Variants in PAFAH1B1 observed in about 807,000 individuals in gnomAD.
The protein encoded by PAFAH1B1 is platelet activating factor acetylhydrolase 1b regulatory subunit 1.
Under a neutral mutation model 57.5 loss-of-function variants are expected in PAFAH1B1, and 2 were observed. The ratio of observed to expected loss-of-function variants is 0.03; its 90% CI spans 0.01 to 0.11. The LOEUF is 0.11. Ranked by LOEUF, PAFAH1B1 falls within the 10% of genes least tolerant of loss-of-function variation. The probability of loss-of-function intolerance (pLI) is 1.00; values close to 1 mark genes in which losing one functional copy is unlikely to be tolerated. For missense variants in PAFAH1B1, 257 were observed against 512.0 expected (o/e 0.50, Z 4.81); for synonymous variants, 152 against 169.6 (o/e 0.90, Z 0.81).
chr17:2,602,365 A>G (rs893613114), intron 1 of PAFAH1B1, among the ~76,000 whole-genome samples: 1 of 152,172 alleles, frequency 6.6e-6, no homozygotes, highest in Non-Finnish European at 1.5e-5. Context: ...TGTCACTAGC[A>G]CAGAAGACAT....
intron 2 of PAFAH1B1, among the ~76,000 whole-genome samples, chr17:2,661,665 G>C (rs1348673157): frequency 6.6e-6 from 1 of 152,062 alleles, no homozygotes; most frequent in Admixed American, 6.6e-5. Context: ...CTTTAAATGG[G>C]TCTAGTAAGA....
At chr17:2,643,699 A>G (rs2068727194) in intron 2 of PAFAH1B1, among the ~76,000 whole-genome samples, 1 of 151,972 alleles carries the variant, frequency 6.6e-6, no homozygotes, top group Non-Finnish European at 1.5e-5. Flanking sequence ...AGCTGGGGTT[A>G]CAGGCAGGCA....
At chr17:2,625,935 C>A (rs2068483636) in intron 1 of PAFAH1B1, among the ~76,000 whole-genome samples, 1 of 151,864 alleles carries the variant, frequency 6.6e-6, no homozygotes, top group Non-Finnish European at 1.5e-5. Context: ...GAGTGAGGAC[C>A]CTGTCTCAAG....
Position 2,593,685 on chromosome 17 carries a change from A to G in PAFAH1B1, c.-512A>G. On this transcript the variant is annotated 5_prime_UTR_variant, in exon 1 of 11. Transcript: ENST00000397195. ...AGCTGGAGCGGCGGGGCGGCGGCGG[A>G]GTCCGGCGGCCGGGAGAGCGAGTGA... 1.4e-5 allele frequency: 3 copies of G among 209,552 alleles called. No homozygotes were observed. Among genetic ancestry groups the G allele is most frequent in the Non-Finnish European group, 2.8e-5 (3 of 107,084 alleles). The allele number at this position is 209,552 out of a possible 1,614,324, so 13.0% of individuals were successfully genotyped here.
At chr17:2,641,847 A>C (rs2068699325) in intron 2 of PAFAH1B1, 1 of 152,186 alleles carries the variant, frequency 6.6e-6, no homozygotes, top group Admixed American at 6.6e-5. Flanking sequence ...GTATAAATAC[A>C]TATACTGACA....
intron 2 of PAFAH1B1, among the ~76,000 whole-genome samples, chr17:2,650,913 ATGT>A (rs2068841121): frequency 6.6e-6 from 1 of 152,142 alleles, no homozygotes; most frequent in African/African-American, 2.4e-5. Context: ...ACCCATGGTC[ATGT>A]GTTGCAGAGA....
At chr17:2,657,077 T>C (rs2068945574) in intron 2 of PAFAH1B1, among the ~76,000 whole-genome samples, 1 of 152,204 alleles carries the variant, frequency 6.6e-6, no homozygotes, top group Non-Finnish European at 1.5e-5. Flanking sequence ...GGAATGATTA[T>C]AGCATCTTTG....
chr17:2,641,039 G>C (rs553063858), intron 2 of PAFAH1B1: 1 of 152,224 alleles, frequency 6.6e-6, no homozygotes, highest in East Asian at 1.9e-4. Context: ...GTTATAGAGT[G>C]ATGGTTTTCA....
At chr17:2,609,961 A>G (rs1373477265) in intron 1 of PAFAH1B1, among the ~76,000 whole-genome samples, 1 of 152,086 alleles carries the variant, frequency 6.6e-6, no homozygotes, top group African/African-American at 2.4e-5. Context: ...AGTCGCTGGG[A>G]TTACGGGCGT....
chr17:2,596,634 A>C (rs946474150), intron 1 of PAFAH1B1, among the ~76,000 whole-genome samples: 3 of 152,174 alleles, frequency 2.0e-5, no homozygotes, highest in African/African-American at 7.2e-5. Context: ...GTATTTTTAC[A>C]CTTTTGTTCT....
At chr17:2,601,821 G>A (rs1395395783) in intron 1 of PAFAH1B1, among the ~76,000 whole-genome samples, 1 of 152,010 alleles carries the variant, frequency 6.6e-6, no homozygotes, top group Non-Finnish European at 1.5e-5. Flanking sequence ...TAAGCAAACT[G>A]CCTCAAGCCA....
At chr17:2,661,595 C>G (rs149761648) in intron 2 of PAFAH1B1, among the ~76,000 whole-genome samples, 3 of 152,070 alleles carry the variant, frequency 2.0e-5, no homozygotes, top group Admixed American at 1.3e-4. Flanking sequence ...TCAGGTAGTA[C>G]GTGTGATGCC....
At chr17:2,658,269 T>G (rs1027293857) in intron 2 of PAFAH1B1, among the ~76,000 whole-genome samples, 2 of 152,180 alleles carry the variant, frequency 1.3e-5, no homozygotes, top group African/African-American at 4.8e-5. Flanking sequence ...TCTTAGACCT[T>G]TAAGTATTTT....
chr17:2,667,098 A>T lies in PAFAH1B1; in HGVS notation c.299A>T (p.Glu100Val). 1 of 1,613,920 alleles carries T rather than the reference A, an allele frequency of 6.2e-7. No individual in the cohort carries two copies. Among genetic ancestry groups the T allele is most frequent in the Non-Finnish European group, 8.5e-7 (1 of 1,179,788 alleles). Reference protein sequence around the residue: ...DPKEWIPRPPEKYALSGHRSP... With the variant: ...DPKEWIPRPPVKYALSGHRSP... ...AAAGAATGGATTCCCCGTCCGCCAG[A>T]AAAATATGCATTGAGTGGTCACAGG... Residue 100 changes from glutamate (E) to valine (V), a missense_variant, in exon 5 of 11, where the codon GAA (glutamate) becomes GTA (valine). By Grantham distance (121) the Glu-to-Val change is moderately radical. Transcript: ENST00000397195.
chr17:2,613,692 C>T (rs1215761835), intron 1 of PAFAH1B1: 2 of 285,240 alleles, frequency 7.0e-6, no homozygotes, highest in Non-Finnish European at 1.4e-5. Flanking sequence ...CTGCAGACAT[C>T]ATCCATGGTC....
intron 1 of PAFAH1B1, among the ~76,000 whole-genome samples, chr17:2,599,819 A>G (rs2151607534): frequency 6.6e-6 from 1 of 152,270 alleles, no homozygotes; most frequent in East Asian, 1.9e-4. Flanking sequence ...AAGAATTGAC[A>G]GTTAACTGAG....
intron 2 of PAFAH1B1, among the ~76,000 whole-genome samples, chr17:2,657,023 G>A (rs936213702): frequency 2.6e-5 from 4 of 152,072 alleles, no homozygotes; most frequent in Admixed American, 1.3e-4. Context: ...TCAGGTTCAC[G>A]CCATTCTCCT....
At position 2,667,792 on chromosome 17, in the gene PAFAH1B1, G is replaced by C. The variant is rs532763307; in HGVS notation, c.399+594G>C. The stretch of plus-strand genomic sequence containing the variant: ...ACAAGCTTTTCATTTTATAAATTAC[G>C]TATTTCATTAAAAAATTTTTTTCAC... On this transcript the variant is annotated intron_variant, in intron 5 of 10. Transcript: ENST00000397195. Among the ~76,000 whole-genome samples, 148 of 151,896 alleles carry C rather than the reference G, an allele frequency of 9.7e-4. 1 individual carries two copies. The highest frequency in any genetic ancestry group is 3.0e-3 in the African/African-American group (125 of 41,258).
In PAFAH1B1 at chr17:2,625,537, A is replaced by G. The variant is rs146156152; in HGVS notation, c.-190-12562A>G. On this transcript the variant is annotated intron_variant, in intron 1 of 10. Coordinates refer to ENST00000397195, the MANE Select transcript of PAFAH1B1 (RefSeq NM_000430.4). ...CTTCTATACCAGGTAGTATGAAAAT[A>G]TTGCCTGATTTATTTGTACTGTTGG... 7.1e-3 allele frequency among the ~76,000 whole-genome samples: 1,082 copies of G among 152,300 alleles called. 42 individuals are homozygous for G. The highest frequency in any genetic ancestry group is 0.067 in the Admixed American group (1,022 of 15,282).
Sources: allele counts gnomAD v4.1 joint callset (sites outside exome capture counted in the v4.1 genomes callset), GRCh38; gene constraint gnomAD v4.1.1; transcripts MANE v1.5; gene names NCBI Gene and HGNC (gene_info 2026-07-23, HGNC 2026-07-21).